Variants in CST8 observed in about 807,000 individuals in gnomAD.
CST8 encodes cystatin 8, also known as cystatin-8.
In CST8, 20 loss-of-function variants were observed where a neutral mutation model predicts 11.8. The ratio of observed to expected loss-of-function variants is 1.70; its 90% CI spans 1.20 to 2.47. The LOEUF is 2.47. Among genes scored for constraint, CST8 ranks in the 30% most tolerant of loss-of-function variants. The pLI is 0.00. For missense variants in CST8, 196 were observed against 167.2 expected, an observed-to-expected ratio of 1.17 and a Z score of -0.95; for synonymous variants, 77 against 63.1, an observed-to-expected ratio of 1.22 and a Z score of -1.05.
At chr20:23,504,870 G>A in the CST8 span, among the ~76,000 whole-genome samples, 2 of 152,082 alleles carry the variant, frequency 1.3e-5, no homozygotes, top group Non-Finnish European at 2.9e-5. Flanking sequence ...GGGGAGGTCA[G>A]GAGTTTGGGG....
chr20:23,505,803 A>G, the CST8 span, among the ~76,000 whole-genome samples: 15 of 152,158 alleles, frequency 9.9e-5, no homozygotes, highest in African/African-American at 3.4e-4. Flanking sequence ...TCCTGGACGC[A>G]CTGACTCGAA....
chr20:23,504,071 T>A, the CST8 span, among the ~76,000 whole-genome samples: 1 of 152,178 alleles, frequency 6.6e-6, no homozygotes, highest in Non-Finnish European at 1.5e-5. Context: ...AAAAAGAAAC[T>A]TTTAATCTGA....
the CST8 span, among the ~76,000 whole-genome samples, chr20:23,506,746 C>G: frequency 6.6e-6 from 1 of 152,138 alleles, no homozygotes; most frequent in African/African-American, 2.4e-5. Flanking sequence ...TGAGTCTTAC[C>G]TCTGGCTTTT....
chr20:23,495,740 C>T, intron 3 of CST8, 91 bp from the exon 4 acceptor site: 1 of 986,380 alleles, frequency 1.0e-6, no homozygotes, highest in Non-Finnish European at 1.6e-6. Context: ...CACACCTAAA[C>T]TGACACCTAG....
At chr20:23,501,040 T>C in the CST8 span, among the ~76,000 whole-genome samples, 8 of 152,308 alleles carry the variant, frequency 5.3e-5, no homozygotes, top group Admixed American at 5.2e-4. Context: ...GTCTTTGTTA[T>C]TGATTTAAGG....
chr20:23,506,501 C>T, the CST8 span, among the ~76,000 whole-genome samples: 1 of 152,090 alleles, frequency 6.6e-6, no homozygotes, highest in South Asian at 2.1e-4. Flanking sequence ...CTTTCTATAC[C>T]CCATGTTCTG....
downstream of CST8, among the ~76,000 whole-genome samples, chr20:23,498,547 G>A (rs62209306): frequency 5.7e-3 from 868 of 152,218 alleles, 9 homozygotes; most frequent in Non-Finnish European, 9.7e-3. Context: ...GGAGACTGTC[G>A]CCCTGCCTTC....
chr20:23,492,514 C>T (rs1987919336), intron 2 of CST8, among the ~76,000 whole-genome samples: 1 of 152,162 alleles, frequency 6.6e-6, no homozygotes, highest in Non-Finnish European at 1.5e-5. Flanking sequence ...GGAGGTTTCA[C>T]AGGAATCTGA....
chr20:23,499,553 G>T (rs1442120142), downstream of CST8, among the ~76,000 whole-genome samples: 2 of 152,226 alleles, frequency 1.3e-5, no homozygotes, highest in Non-Finnish European at 2.9e-5. Flanking sequence ...TGCTGTCTGG[G>T]CCTGAAATGC....
the CST8 span, among the ~76,000 whole-genome samples, chr20:23,506,632 G>A: frequency 6.6e-6 from 1 of 151,734 alleles, no homozygotes. Flanking sequence ...ACACATAATA[G>A]TGTAGCAAAA....
the CST8 span, among the ~76,000 whole-genome samples, chr20:23,501,345 T>C: frequency 2.0e-5 from 3 of 152,194 alleles, no homozygotes; most frequent in African/African-American, 7.2e-5. Context: ...AAAATTACCC[T>C]ATTGCAGTCT....
At position 23,495,907 on chromosome 20, in the gene CST8, A is replaced by T; in HGVS notation, c.422A>T (p.Asp141Val). The T allele has an allele frequency of 6.2e-7, 1 of 1,609,556 alleles. No homozygotes were observed. The highest frequency in any genetic ancestry group is 8.5e-7 in the Non-Finnish European group (1 of 1,178,378). Residue 141 changes from aspartate (D) to valine (V), a missense_variant, in exon 4 of 4, where the codon GAT becomes GTT. Transcript: ENST00000246012. Reference protein sequence around the residue: ...EFTVMEKKCEDA With the variant: ...EFTVMEKKCEVA ...ACTGTGATGGAGAAAAAGTGTGAAG[A>T]TGCTTAATGGTGTTTTGAGGCATCC...
downstream of CST8, among the ~76,000 whole-genome samples, chr20:23,498,895 G>A (rs915989731): frequency 3.9e-5 from 6 of 152,224 alleles, no homozygotes; most frequent in Admixed American, 3.9e-4. Flanking sequence ...TGAGCCATGA[G>A]GAACAGCAGG....
chr20:23,494,400 A>G (rs1987980746), intron 3 of CST8, among the ~76,000 whole-genome samples: 2 of 152,218 alleles, frequency 1.3e-5, no homozygotes, highest in Non-Finnish European at 2.9e-5. Context: ...ACATTTGTCA[A>G]TAATAAAAAC....
chr20:23,498,626 T>G (rs1988115336), downstream of CST8, among the ~76,000 whole-genome samples: 1 of 152,222 alleles, frequency 6.6e-6, no homozygotes, highest in Admixed American at 6.5e-5. Context: ...CTCTCCCTCT[T>G]CAGCCCCTGC....
chr20:23,493,576 T>A (rs1444761468), intron 3 of CST8, among the ~76,000 whole-genome samples: 1 of 152,230 alleles, frequency 6.6e-6, no homozygotes, highest in Non-Finnish European at 1.5e-5. Flanking sequence ...GGCCCCACCC[T>A]CCTGGGTTTA....
chr20:23,507,098 G>A, the CST8 span, among the ~76,000 whole-genome samples: 3 of 152,112 alleles, frequency 2.0e-5, no homozygotes, highest in African/African-American at 7.2e-5. Context: ...ACTCCCACCT[G>A]TAATAAACTC....
At chr20:23,501,056 T>C in the CST8 span, among the ~76,000 whole-genome samples, 2 of 152,156 alleles carry the variant, frequency 1.3e-5, no homozygotes, top group East Asian at 1.9e-4. Flanking sequence ...TAAGGCCAGA[T>C]TCTAAATTTA....
chr20:23,495,792 T>G (rs1568656805), intron 3 of CST8, 39 bp from the exon 4 acceptor site: 2 of 1,082,112 alleles, frequency 1.8e-6, no homozygotes, highest in Non-Finnish European at 2.7e-6. Context: ...TTTTTTTTTT[T>G]GGCACTCTAC....
Sources: allele counts gnomAD v4.1 joint callset (sites outside exome capture counted in the v4.1 genomes callset), GRCh38; gene constraint gnomAD v4.1.1; transcripts MANE v1.5; gene names NCBI Gene and HGNC (gene_info 2026-07-23, HGNC 2026-07-21).